Variants in C1orf159 observed in about 807,000 individuals in gnomAD.
C1orf159 encodes the protein uncharacterized protein C1orf159.
Under a neutral mutation model 25.6 loss-of-function variants are expected in C1orf159, and 19 were observed. The observed-to-expected ratio is 0.74, with a 90% CI of 0.52 to 1.09. The LOEUF (loss-of-function observed/expected upper bound fraction) is 1.09, where lower values mean the gene tolerates loss of function less well. C1orf159 is among the 50% of genes least tolerant of loss of function. The probability of loss-of-function intolerance (pLI) is 0.00; values close to 1 mark genes in which losing one functional copy is unlikely to be tolerated. For missense variants in C1orf159, 274 were observed against 290.6 expected (o/e 0.94, Z 0.42); for synonymous variants, 139 against 124.7 (o/e 1.12, Z -0.77).
chr1:1,102,517 C>T (rs1646115114), intron 1 of C1orf159, among the ~76,000 whole-genome samples: 1 of 148,828 alleles, frequency 6.7e-6, no homozygotes, highest in South Asian at 2.1e-4. Flanking sequence ...CAGTGGCTCA[C>T]GCCTGTAATC....
chr1:1,114,244 CA>C (rs1646303147), intron 1 of C1orf159, among the ~76,000 whole-genome samples: 1 of 152,110 alleles, frequency 6.6e-6, no homozygotes, highest in Non-Finnish European at 1.5e-5. Context: ...TCTTACCAGC[CA>C]AATGTCCCTG....
At chr1:1,090,736 G>A (rs773867470) in intron 3 of C1orf159, 5 of 813,996 alleles carry the variant, frequency 6.1e-6, no homozygotes, top group Non-Finnish European at 1.0e-5. Context: ...GACATTCTCT[G>A]CAAGTCTCCG....
Position 1,107,071 on chromosome 1 carries a change from C to T in C1orf159, c.-136+8989G>A, listed in dbSNP as rs577487332. ...CCCGCCCGTGGGCTCCCACACAGCCCGAGCCTCCCCAACGGGCACCACCCC... is the reference window on the plus strand; with the variant it reads ...CCCGCCCGTGGGCTCCCACACAGCCTGAGCCTCCCCAACGGGCACCACCCC... On this transcript the variant is annotated intron_variant, in intron 1 of 9. Coordinates refer to ENST00000421241, the MANE Select transcript of C1orf159 (RefSeq NM_017891.5). Among the ~76,000 whole-genome samples, 6 of 152,328 alleles carry T rather than the reference C, an allele frequency of 3.9e-5. No individual in the cohort carries two copies. The East Asian group carries it at 5.8e-4, about 15-fold the overall frequency.
chr1:1,083,322 C>T (rs940941595), intron 9 of C1orf159: 6 of 308,504 alleles, frequency 1.9e-5, no homozygotes, highest in Non-Finnish European at 3.0e-5. Flanking sequence ...GGCCGTAGTC[C>T]CAAGACCTCG....
chr1:1,114,197 C>T (rs1646302484), intron 1 of C1orf159, among the ~76,000 whole-genome samples: 1 of 152,080 alleles, frequency 6.6e-6, no homozygotes, highest in Non-Finnish European at 1.5e-5. Context: ...GCTGGGATTA[C>T]AGGTGTGAGC....
At chr1:1,104,572 C>T (rs142850937) in intron 1 of C1orf159, among the ~76,000 whole-genome samples, 1 of 152,270 alleles carries the variant, frequency 6.6e-6, no homozygotes. Context: ...GAAACCAAGG[C>T]GATTTTAGTT....
At chr1:1,084,245 G>T in intron 9 of C1orf159, 108 bp downstream of exon 9, 3 of 1,519,506 alleles carry the variant, frequency 2.0e-6, no homozygotes, top group East Asian at 2.3e-5. Flanking sequence ...GGCAGGGGTG[G>T]CCGAGATCCA....
intron 1 of C1orf159, among the ~76,000 whole-genome samples, chr1:1,103,772 C>G (rs1203286891): frequency 1.3e-5 from 2 of 152,270 alleles, no homozygotes; most frequent in Non-Finnish European, 1.5e-5. Context: ...CCTCTGTCGC[C>G]CAGGCAGAAA....
At position 1,090,964 on chromosome 1, in the gene C1orf159, G is replaced by A. The variant is rs34528299; in HGVS notation, c.72+508C>T. On this transcript the variant is annotated intron_variant, in intron 3 of 9. Coordinates refer to ENST00000421241, the MANE Select transcript of C1orf159 (RefSeq NM_017891.5). The stretch of plus-strand genomic sequence containing the variant: ...ACCCTCAGCTTGTGTGTTGATCACA[G>A]CTGTGCTGTTTCTCGTGACCTGAAT... 3.9e-6 allele frequency: 6 copies of A among 1,550,210 alleles called. No homozygotes were observed. In the African/African-American group the frequency reaches 5.5e-5, roughly 14 times the overall value.
chr1:1,087,550 A>G lies in C1orf159; in HGVS notation c.196T>C (p.Cys66Arg). 1 of 1,549,352 alleles carries G rather than the reference A, an allele frequency of 6.5e-7. No individual in the cohort carries two copies. The highest frequency in any genetic ancestry group is 8.7e-7 in the Non-Finnish European group (1 of 1,146,652). Reference protein sequence around the residue: ...NADGSASCVRCGNGTLPAYNG... With the variant: ...NADGSASCVRRGNGTLPAYNG... Reference sequence around the variant, plus strand: ...TAGGCTGGGAGGGTTCCGTTCCCACAGCGGACGCAGCTGGCGCTCCCGTCC... The same window carrying G: ...TAGGCTGGGAGGGTTCCGTTCCCACGGCGGACGCAGCTGGCGCTCCCGTCC... Residue 66 changes from cysteine to arginine, a missense_variant, in exon 5 of 10, where the codon TGT becomes CGT. By Grantham distance (180) the Cys-to-Arg change is radical. Transcript: ENST00000421241. The surrounding 1 kb of genome is among the most constrained non-coding windows in gnomAD (Gnocchi z 8.3).
Position 1,082,742 on chromosome 1 carries a change from C to A in C1orf159, c.*151G>T, listed in dbSNP as rs550283605. ...AGGCGGCCCGGGACCCTTTGGCGTC[C>A]GTCGCTGGGAGGCGGAGGGACTCAG... On this transcript the variant is annotated 3_prime_UTR_variant, in exon 10 of 10. Coordinates refer to ENST00000421241, the MANE Select transcript of C1orf159 (RefSeq NM_017891.5). The A allele has an allele frequency of 4.5e-4, 310 of 695,680 alleles. No individual in the cohort carries two copies. Among genetic ancestry groups the A allele is most frequent in the Non-Finnish European group, 7.3e-4 (292 of 402,024 alleles). 43.1% of individuals were successfully genotyped at this position (695,680 alleles called of 1,614,324 possible).
intron 1 of C1orf159, among the ~76,000 whole-genome samples, chr1:1,100,219 G>A (rs941496629): frequency 6.6e-6 from 1 of 151,718 alleles, no homozygotes; most frequent in Admixed American, 6.6e-5. Flanking sequence ...TAACTGGAGG[G>A]TTTAATTCAT....
chr1:1,084,495 G>T lies in C1orf159; in HGVS notation c.457C>A (p.Gln153Lys), dbSNP rs1645797848. The T allele has an allele frequency of 6.4e-7, 1 of 1,555,866 alleles. No individual in the cohort carries two copies. Among genetic ancestry groups the T allele is most frequent in the African/African-American group, 1.4e-5 (1 of 73,410 alleles). ...GGGTTACTTACGGCTTCGCCAGGCT[G>T]CAGGGCCGGAGCTGTGGGGGAGAAA... ...CYRRNKAPALQPGEAAAMIPP... is the reference protein window; with the variant it reads ...CYRRNKAPALKPGEAAAMIPP... The change falls in exon 8 of 10, where the codon CAG (glutamine) becomes AAG (lysine). Residue 153 changes from glutamine to lysine, a missense_variant. Transcript: ENST00000421241.
intron 9 of C1orf159, 77 bp from the exon 10 acceptor site, chr1:1,083,064 G>T: frequency 7.8e-7 from 1 of 1,281,048 alleles, no homozygotes; most frequent in Non-Finnish European, 1.1e-6. Flanking sequence ...GCCCTCACCG[G>T]AGGCTCTCGG....
chr1:1,084,058 T>C (rs1334670602), intron 9 of C1orf159: 1 of 1,609,240 alleles, frequency 6.2e-7, no homozygotes, highest in South Asian at 1.1e-5. Flanking sequence ...CCTGTCGTGG[T>C]GGGTCCTCCT....
intron 1 of C1orf159, chr1:1,115,142 G>A (rs1235983247): frequency 6.6e-6 from 1 of 151,054 alleles, no homozygotes; most frequent in African/African-American, 2.5e-5. Context: ...AGGACGAGGC[G>A]GCTAAGAATT....
intron 9 of C1orf159, chr1:1,083,230 G>A (rs763441743): frequency 1.2e-4 from 60 of 481,886 alleles, no homozygotes; most frequent in Non-Finnish European, 1.8e-4. Flanking sequence ...CCTGGGCCCC[G>A]GGGCCTGGAC....
At chr1:1,091,065 G>T in intron 3 of C1orf159, 1 of 1,189,222 alleles carries the variant, frequency 8.4e-7, no homozygotes, top group Non-Finnish European at 1.2e-6. Context: ...AGGGGCCCAG[G>T]TCCGGTCCCT....
At chr1:1,094,569 T>G (rs1031591232) in intron 1 of C1orf159, among the ~76,000 whole-genome samples, 1 of 151,874 alleles carries the variant, frequency 6.6e-6, no homozygotes, top group African/African-American at 2.4e-5. Flanking sequence ...CCCGGCTAAT[T>G]TTTTGTATTT....
Sources: gnomAD v4.1 joint callset for allele counts (sites outside exome capture counted in the v4.1 genomes callset) on GRCh38, gnomAD v4.1.1 for gene constraint, Gnocchi (gnomAD v3.1) non-coding constraint, MANE v1.5 for transcripts, NCBI Gene and HGNC (gene_info 2026-07-23, HGNC 2026-07-21) for gene names.